The following DIP2C variants were observed in gnomAD, a reference collection of about 807,000 sequenced individuals.
DIP2C encodes DIP2 acetate--CoA ligase C (putative).
DIP2C carries 33 observed loss-of-function variants against 192.4 expected under a neutral mutation model. The observed-to-expected ratio is 0.17, with a 90% confidence interval of 0.13 to 0.23. The LOEUF (loss-of-function observed/expected upper bound fraction) is 0.23, where lower values mean the gene tolerates loss of function less well. DIP2C is among the 10% of genes least tolerant of loss of function. DIP2C has a pLI of 1.00. For missense variants in DIP2C, 1,537 were observed against 2,110.1 expected (o/e 0.73, Z 5.32); for synonymous variants, 979 against 864.1 (o/e 1.13, Z -2.33).
At chr10:512,919 C>G (rs1359997354) in intron 1 of DIP2C, among the ~76,000 whole-genome samples, 4 of 57,798 alleles carry the variant, frequency 6.9e-5, no homozygotes, top group Non-Finnish European at 2.8e-5. Flanking sequence ...GACCCCACTT[C>G]AGGAAAAAAA....
At chr10:526,386 A>T (rs1224575948) in intron 1 of DIP2C, among the ~76,000 whole-genome samples, 1 of 152,186 alleles carries the variant, frequency 6.6e-6, no homozygotes, top group African/African-American at 2.4e-5. Flanking sequence ...ATACATGAAA[A>T]CATGTAATCC....
At chr10:302,142 C>T (rs747261337) in intron 32 of DIP2C, among the ~76,000 whole-genome samples, 32 of 152,124 alleles carry the variant, frequency 2.1e-4, no homozygotes, top group African/African-American at 7.7e-4. Context: ...ACTACATACA[C>T]ATAATTGTAT....
intron 32 of DIP2C, among the ~76,000 whole-genome samples, chr10:308,926 C>G (rs1441844383): frequency 6.6e-6 from 1 of 152,232 alleles, no homozygotes; most frequent in Non-Finnish European, 1.5e-5. Flanking sequence ...GGTCTCCCCC[C>G]ACCAGATGCC....
intron 1 of DIP2C, among the ~76,000 whole-genome samples, chr10:541,268 C>A (rs1005101477): frequency 6.6e-6 from 1 of 152,206 alleles, no homozygotes; most frequent in Non-Finnish European, 1.5e-5. Context: ...GTCACAGACA[C>A]ACACACCCTG....
intron 1 of DIP2C, among the ~76,000 whole-genome samples, chr10:640,261 C>T (rs559495805): frequency 1.4e-4 from 22 of 152,282 alleles, no homozygotes; most frequent in Non-Finnish European, 1.3e-4. Context: ...GCCCCGCCCA[C>T]GGCCACCAAG....
intron 17 of DIP2C, among the ~76,000 whole-genome samples, chr10:382,331 A>T (rs1165978421): frequency 2.6e-5 from 4 of 152,310 alleles, no homozygotes; most frequent in Non-Finnish European, 5.9e-5. Context: ...GAAACCAGAG[A>T]TTGGTACACG....
At chr10:600,599 C>T (rs1189957375) in intron 1 of DIP2C, among the ~76,000 whole-genome samples, 2 of 145,744 alleles carry the variant, frequency 1.4e-5, no homozygotes, top group African/African-American at 5.3e-5. Context: ...GCCCTCTCCA[C>T]CTTAAAGAGG....
chr10:350,565 T>C (rs1958741306), intron 24 of DIP2C, among the ~76,000 whole-genome samples: 1 of 150,712 alleles, frequency 6.6e-6, no homozygotes, highest in Admixed American at 6.6e-5. Context: ...AGTGGGCAAC[T>C]GGACTGCAGT....
At chr10:686,406 G>A (rs1284113028) in intron 1 of DIP2C, among the ~76,000 whole-genome samples, 1 of 151,642 alleles carries the variant, frequency 6.6e-6, no homozygotes, top group Non-Finnish European at 1.5e-5. Flanking sequence ...GCACCCTCAT[G>A]GCCTCCCCAC....
chr10:290,526 C>A (rs1955438543), intron 32 of DIP2C, among the ~76,000 whole-genome samples: 1 of 152,210 alleles, frequency 6.6e-6, no homozygotes, highest in African/African-American at 2.4e-5. Flanking sequence ...CATGCCAGGA[C>A]AATGATGCTG....
intron 32 of DIP2C, among the ~76,000 whole-genome samples, chr10:295,283 C>T (rs897766187): frequency 9.9e-5 from 15 of 151,958 alleles, no homozygotes; most frequent in Admixed American, 2.0e-4. Context: ...TATTATTGGC[C>T]GGGCGCGGTG....
Position 613,285 on chromosome 10 carries a change from C to T in DIP2C, c.85+76209G>A, listed in dbSNP as rs117277060. Among the ~76,000 whole-genome samples, 35 of 152,350 alleles carry T rather than the reference C, an allele frequency of 2.3e-4. No homozygotes were observed. The East Asian group carries it at 5.6e-3, about 24-fold the overall frequency. On this transcript the variant is annotated intron_variant, in intron 1 of 36. Coordinates refer to ENST00000280886, the MANE Select transcript of DIP2C (RefSeq NM_014974.3). ...GCTCGGACAGTCCCTTACAGGTCCT[C>T]GGCCTCCGCCTCCCACCTAGAAAAC...
At chr10:418,233 T>TCGGATAGGCC (rs1965921480) in intron 6 of DIP2C, among the ~76,000 whole-genome samples, 1 of 119,730 alleles carries the variant, frequency 8.4e-6, no homozygotes, top group African/African-American at 3.8e-5. Context: ...CTGTCAGGGC[T>TCGGATAGGCC]TCGATAGGCC....
intron 4 of DIP2C, among the ~76,000 whole-genome samples, chr10:425,473 A>C (rs899993371): frequency 3.4e-5 from 5 of 145,636 alleles, no homozygotes; most frequent in Non-Finnish European, 6.0e-5. Context: ...GTGGTGACTA[A>C]TGTGAAATGG....
intron 4 of DIP2C, among the ~76,000 whole-genome samples, chr10:428,853 C>CA (rs1392349420): frequency 6.6e-6 from 1 of 152,142 alleles, no homozygotes; most frequent in Admixed American, 6.5e-5. Flanking sequence ...CATCCCTCTT[C>CA]AAGCTCACAG....
At chr10:588,481 A>G (rs1160777973) in intron 1 of DIP2C, among the ~76,000 whole-genome samples, 1 of 152,214 alleles carries the variant, frequency 6.6e-6, no homozygotes, top group Non-Finnish European at 1.5e-5. Flanking sequence ...CTGGAATGAG[A>G]GGTCAGGGAA....
intron 8 of DIP2C, 101 bp from the exon 9 acceptor site, chr10:409,118 G>C: frequency 8.3e-7 from 1 of 1,208,644 alleles, no homozygotes. Flanking sequence ...TGCTTCCTGC[G>C]TATCATGGTC....
chr10:574,901 G>A (rs775695726), intron 1 of DIP2C, among the ~76,000 whole-genome samples: 1 of 152,196 alleles, frequency 6.6e-6, no homozygotes, highest in Non-Finnish European at 1.5e-5. Flanking sequence ...AATGTGATTC[G>A]GTTTGTCACA....
At chr10:523,880 C>T (rs886461721) in intron 1 of DIP2C, among the ~76,000 whole-genome samples, 115 of 152,334 alleles carry the variant, frequency 7.5e-4, no homozygotes, top group African/African-American at 2.4e-3. Flanking sequence ...TGTCCCAGGA[C>T]CTTTTAGCCT....
Sources: allele counts gnomAD v4.1 joint callset (sites outside exome capture counted in the v4.1 genomes callset), GRCh38; gene constraint gnomAD v4.1.1; transcripts MANE v1.5; gene names NCBI Gene and HGNC (gene_info 2026-07-23, HGNC 2026-07-21).